QKI: variants seen among roughly 807,000 people sequenced by gnomAD.
QKI encodes the protein QKI, KH domain containing RNA binding.
Under a neutral mutation model 39.0 loss-of-function variants are expected in QKI, and 10 were observed. That is an observed-to-expected ratio of 0.26 (90% confidence interval 0.16 to 0.43). The LOEUF (loss-of-function observed/expected upper bound fraction) is 0.43, where lower values mean the gene tolerates loss of function less well. Among genes scored for constraint, QKI ranks in the 20% least tolerant of loss-of-function variants. The pLI is 1.00. For synonymous variants in QKI, 204 were observed against 155.4 expected (o/e 1.31, Z -2.33); for missense variants, 218 against 428.0 (o/e 0.51, Z 4.33).
chr6:163,544,640 A>T (rs73784461), intron 4 of QKI, among the ~76,000 whole-genome samples: 3,135 of 152,186 alleles, frequency 0.021, 110 homozygotes, highest in African/African-American at 0.072. Context: ...TAAGCCAAAA[A>T]TTTTGAGACT....
In QKI at chr6:163,569,763, TTATTG is replaced by T. The variant is rs1274370566; in HGVS notation, c.1010-926_1010-922del. 4.0e-6 allele frequency: 4 copies of T among 990,798 alleles called. No homozygotes were observed. In the African/African-American group the frequency reaches 7.0e-5, roughly 17 times the overall value. 61.4% of individuals were successfully genotyped at this position (990,798 alleles called of 1,614,324 possible). A position where few individuals can be genotyped will look rare whatever the true frequency, so the allele number is the denominator to read the frequency against. Reference sequence around the variant, plus strand: ...AGGAATGTATATGAAATGTCAGATTTTATTGTATTTGCAGAGTATTAGCTTTGAAA... The same window carrying T: ...AGGAATGTATATGAAATGTCAGATTTTATTTGCAGAGTATTAGCTTTGAAA... On this transcript the variant is annotated intron_variant, in intron 7 of 7. Transcript: ENST00000361752.
intron 2 of QKI, among the ~76,000 whole-genome samples, chr6:163,462,350 A>AT (rs1791418597): frequency 6.6e-6 from 1 of 152,218 alleles, no homozygotes; most frequent in Non-Finnish European, 1.5e-5. Context: ...TTTGTCTGCC[A>AT]TAGAACACTG....
Position 163,535,052 on chromosome 6 carries a change from A to G in QKI, c.473A>G (p.Glu158Gly). The change falls in exon 4 of 8, where the codon GAA (glutamate) becomes GGA (glycine). Residue 158 changes from glutamate to glycine, a missense_variant. Coordinates refer to ENST00000361752, the MANE Select transcript of QKI (RefSeq NM_006775.3). Reference sequence around the variant, plus strand: ...GATTTACATGTACTAATCACTGTGGAAGATGCTCAGAACAGAGCAGAAATC... The same window carrying G: ...GATTTACATGTACTAATCACTGTGGGAGATGCTCAGAACAGAGCAGAAATC... ...NEDLHVLITVEDAQNRAEIKL... is the reference protein window; with the variant it reads ...NEDLHVLITVGDAQNRAEIKL... 6 of 1,612,406 alleles carry G rather than the reference A, an allele frequency of 3.7e-6. No individual in the cohort carries two copies. Among genetic ancestry groups the G allele is most frequent in the Non-Finnish European group, 5.1e-6 (6 of 1,179,126 alleles).
intron 4 of QKI, among the ~76,000 whole-genome samples, chr6:163,543,049 A>C (rs2128243726): frequency 6.6e-6 from 1 of 152,186 alleles, no homozygotes; most frequent in African/African-American, 2.4e-5. Context: ...TGCCATATGC[A>C]TTTGACTCAT....
chr6:163,492,042 C>T (rs1261249256), intron 3 of QKI, among the ~76,000 whole-genome samples: 6 of 152,130 alleles, frequency 3.9e-5, no homozygotes, highest in Non-Finnish European at 8.8e-5. Context: ...ATTTGAGCAT[C>T]TTGTAGTTGT....
chr6:163,560,685 G>C (rs1488772772), intron 4 of QKI, among the ~76,000 whole-genome samples: 1 of 152,182 alleles, frequency 6.6e-6, no homozygotes, highest in African/African-American at 2.4e-5. Context: ...TTTGGGACCA[G>C]ATTATAGGCA....
In QKI at chr6:163,564,147, C is replaced by T. The variant is rs191297540; in HGVS notation, c.934+428C>T. 1,925 of 1,022,388 alleles carry T rather than the reference C, an allele frequency of 1.9e-3. 5 individuals carry two copies. Among genetic ancestry groups the T allele is most frequent in the Admixed American group, 3.5e-3 (69 of 19,720 alleles). 63.3% of individuals were successfully genotyped at this position (1,022,388 alleles called of 1,614,324 possible). The stretch of plus-strand genomic sequence containing the variant: ...AACTTCTAAGTGAAAGTAGTCTGAG[C>T]GCTTTATAAAATTCATATTATTGTG... On this transcript the variant is annotated intron_variant, in intron 6 of 7. Coordinates refer to ENST00000361752, the MANE Select transcript of QKI (RefSeq NM_006775.3).
intron 3 of QKI, among the ~76,000 whole-genome samples, chr6:163,496,593 G>GT (rs2128230198): frequency 6.6e-6 from 1 of 152,250 alleles, no homozygotes; most frequent in South Asian, 2.1e-4. Context: ...ATATTTTAAT[G>GT]TATTCAGTTA....
At position 163,416,555 on chromosome 6, in the gene QKI, G is replaced by T. The variant is rs182593776; in HGVS notation, c.142+1220G>T. ...TCGAGATTTTAAAAATAGAGTCGGGGAACAGGAGTTTGAAGCTTGGGGAGT... is the reference window on the plus strand; with the variant it reads ...TCGAGATTTTAAAAATAGAGTCGGGTAACAGGAGTTTGAAGCTTGGGGAGT... On this transcript the variant is annotated intron_variant, in intron 1 of 7. Coordinates refer to ENST00000361752, the MANE Select transcript of QKI (RefSeq NM_006775.3). 2.6e-5 allele frequency: 4 copies of T among 152,342 alleles called. No individual in the cohort carries two copies. In the East Asian group the frequency reaches 7.7e-4, roughly 29 times the overall value. The allele number at this position is 152,342 out of a possible 1,614,324, so 9.4% of individuals were successfully genotyped here. A position where few individuals can be genotyped will look rare whatever the true frequency, so the allele number is the denominator to read the frequency against.
At chr6:163,431,157 T>C (rs1788797959) in intron 1 of QKI, among the ~76,000 whole-genome samples, 1 of 151,996 alleles carries the variant, frequency 6.6e-6, no homozygotes, top group African/African-American at 2.4e-5. Context: ...GAGTGCTGGC[T>C]CAAGTCAAAT....
At chr6:163,459,643 A>G (rs1791199372) in intron 2 of QKI, among the ~76,000 whole-genome samples, 1 of 152,190 alleles carries the variant, frequency 6.6e-6, no homozygotes, top group Admixed American at 6.6e-5. Flanking sequence ...TTGTCTATGA[A>G]GTTATAAGGT....
At position 163,573,536 on chromosome 6, in the gene QKI, G is replaced by T. The variant is rs964543262; in HGVS notation, c.*2826G>T. 1 of 152,190 alleles carries T rather than the reference G, an allele frequency of 6.6e-6. No homozygotes were observed. Among genetic ancestry groups the T allele is most frequent in the African/African-American group, 2.4e-5 (1 of 41,532 alleles). The allele number at this position is 152,190 out of a possible 1,614,324, so 9.4% of individuals were successfully genotyped here. On this transcript the variant is annotated 3_prime_UTR_variant, in exon 8 of 8. Coordinates refer to ENST00000361752, the MANE Select transcript of QKI (RefSeq NM_006775.3). ...ATGTATGTTATATAACATTCAAAAA[G>T]AATTTTTTTCTTGATTGAGAAAAGG...
intron 2 of QKI, among the ~76,000 whole-genome samples, chr6:163,460,363 G>C: frequency 6.6e-6 from 1 of 152,188 alleles, no homozygotes; most frequent in Non-Finnish European, 1.5e-5. Flanking sequence ...TTCAAGGATT[G>C]TGTTTTCAGC....
intron 4 of QKI, among the ~76,000 whole-genome samples, chr6:163,551,114 T>G (rs957458023): frequency 4.6e-5 from 7 of 152,290 alleles, no homozygotes; most frequent in Admixed American, 4.6e-4. Flanking sequence ...TCTGTGTGCA[T>G]AAGGATATAG....
chr6:163,530,860 C>A (rs61358847), intron 3 of QKI, among the ~76,000 whole-genome samples: 3,077 of 152,226 alleles, frequency 0.02, 101 homozygotes, highest in African/African-American at 0.07. Flanking sequence ...TCAGTGGGTC[C>A]TTTTCATCTG....
At chr6:163,561,380 G>T (rs1252016187) in intron 4 of QKI, among the ~76,000 whole-genome samples, 1 of 152,196 alleles carries the variant, frequency 6.6e-6, no homozygotes, top group Non-Finnish European at 1.5e-5. Flanking sequence ...GCTGAAGCAG[G>T]AGGATCACTT....
chr6:163,553,634 G>GT lies in QKI; in HGVS notation c.547-8346dup, dbSNP rs1333932775. The stretch of plus-strand genomic sequence containing the variant: ...AATCCTTCAGAAGTTTATCATGCCT[G>GT]TTAAGATTACTATTACTATTAATAA... On this transcript the variant is annotated intron_variant, in intron 4 of 7. Transcript: ENST00000361752. Among the ~76,000 whole-genome samples the GT allele has an allele frequency of 6.6e-5, 10 of 152,102 alleles. No homozygotes were observed. In the East Asian group the frequency reaches 1.7e-3, roughly 26 times the overall value.
At chr6:163,458,997 A>G (rs1164857037) in intron 2 of QKI, among the ~76,000 whole-genome samples, 1 of 152,194 alleles carries the variant, frequency 6.6e-6, no homozygotes, top group Non-Finnish European at 1.5e-5. Context: ...CCATGATAAA[A>G]CACTCTAAAA....
intron 1 of QKI, among the ~76,000 whole-genome samples, chr6:163,442,583 G>A (rs765934052): frequency 4.6e-5 from 7 of 152,258 alleles, no homozygotes; most frequent in Non-Finnish European, 8.8e-5. Context: ...GTTAGGGCTT[G>A]TGATGGTGAA....
Sources: gnomAD v4.1 joint callset for allele counts (sites outside exome capture counted in the v4.1 genomes callset) on GRCh38, gnomAD v4.1.1 for gene constraint, MANE v1.5 for transcripts, NCBI Gene and HGNC (gene_info 2026-07-23, HGNC 2026-07-21) for gene names.